Variants in FRAS1 observed in about 807,000 individuals in gnomAD.
The protein encoded by FRAS1 is extracellular matrix organizing protein FRAS1.
A neutral mutation model predicts 435.2 loss-of-function variants in FRAS1; 290 were observed. The ratio of observed to expected loss-of-function variants is 0.67; its 90% CI spans 0.61 to 0.73. FRAS1 has a LOEUF of 0.73. Among genes scored for constraint, FRAS1 ranks in the 30% least tolerant of loss-of-function variants. The pLI is 0.00. For synonymous variants in FRAS1, 1,800 were observed against 1,851.0 expected, an observed-to-expected ratio of 0.97 and a Z score of 0.71; for missense variants, 4,860 against 5,001.5, an observed-to-expected ratio of 0.97 and a Z score of 0.85.
Position 78,265,075 on chromosome 4 carries a change from A to C in FRAS1, c.654A>C (p.Ala218=). ...GAAAATGTTGCCCGCAGTGCTCTGCAAGATCCTGCTCTGCAGCTGGCCAAG... is the reference window on the plus strand; with the variant it reads ...GAAAATGTTGCCCGCAGTGCTCTGCCAGATCCTGCTCTGCAGCTGGCCAAG... The part of the protein sequence containing the change: ...VPGKCCPQCS[A]RSCSAAGQVY... Residue 218 remains alanine, a synonymous_variant, in exon 7 of 74, where the codon GCA becomes GCC. Transcript: ENST00000512123. 1 of 1,613,542 alleles carries C rather than the reference A, an allele frequency of 6.2e-7. No individual in the cohort carries two copies. The highest frequency in any genetic ancestry group is 8.5e-7 in the Non-Finnish European group (1 of 1,179,646).
intron 59 of FRAS1, among the ~76,000 whole-genome samples, chr4:78,491,417 A>G (rs1202205265): frequency 6.6e-6 from 1 of 152,244 alleles, no homozygotes; most frequent in African/African-American, 2.4e-5. Context: ...AAATACTGGC[A>G]AACTGAATCC....
At chr4:78,205,003 G>T (rs947812684) in intron 2 of FRAS1, among the ~76,000 whole-genome samples, 3 of 152,158 alleles carry the variant, frequency 2.0e-5, no homozygotes, top group Admixed American at 2.0e-4. Context: ...TCTGCATTTT[G>T]CTCTGTTTCC....
chr4:78,275,852 A>G (rs1460333499), intron 9 of FRAS1, among the ~76,000 whole-genome samples: 1 of 152,000 alleles, frequency 6.6e-6, no homozygotes, highest in Admixed American at 6.6e-5. Flanking sequence ...CTCAATTTGA[A>G]TGTTGGCCTG....
intron 2 of FRAS1, among the ~76,000 whole-genome samples, chr4:78,144,460 G>GTA (rs1465354334): frequency 6.6e-6 from 1 of 151,718 alleles, no homozygotes; most frequent in African/African-American, 2.4e-5. Flanking sequence ...AAGTGTGTGT[G>GTA]TGTGTGTGTG....
chr4:78,087,763 A>G (rs988715544), intron 2 of FRAS1, among the ~76,000 whole-genome samples: 5 of 152,190 alleles, frequency 3.3e-5, no homozygotes, highest in African/African-American at 9.6e-5. Context: ...CCACTGCTCA[A>G]TGAAATAAAA....
At chr4:78,210,577 C>T (rs983852180) in intron 2 of FRAS1, among the ~76,000 whole-genome samples, 20 of 152,146 alleles carry the variant, frequency 1.3e-4, no homozygotes, top group African/African-American at 4.6e-4. Flanking sequence ...CTTTGCCTTC[C>T]TCTGCCCCAG....
At chr4:78,325,841 T>C (rs59810825) in intron 18 of FRAS1, among the ~76,000 whole-genome samples, 43,125 of 152,070 alleles carry the variant, frequency 0.28, 6,549 homozygotes, top group Non-Finnish European at 0.33. Flanking sequence ...GAAAACTTTC[T>C]ATGATTAAGC....
At chr4:78,501,309 T>C (rs1720674460) in intron 61 of FRAS1, among the ~76,000 whole-genome samples, 1 of 152,248 alleles carries the variant, frequency 6.6e-6, no homozygotes, top group African/African-American at 2.4e-5. Flanking sequence ...TCCTTTTTTA[T>C]GGCTACATAG....
At chr4:78,331,240 C>T (rs1729936408) in intron 18 of FRAS1, among the ~76,000 whole-genome samples, 1 of 152,146 alleles carries the variant, frequency 6.6e-6, no homozygotes, top group South Asian at 2.1e-4. Context: ...TTGAATAAAG[C>T]TCTGTAGTAT....
intron 20 of FRAS1, among the ~76,000 whole-genome samples, chr4:78,355,096 T>G (rs576317848): frequency 6.6e-6 from 1 of 152,280 alleles, no homozygotes; most frequent in South Asian, 2.1e-4. Context: ...ATTTCTAGCA[T>G]GTCTACGTGC....
At chr4:78,366,766 C>T (rs1303834265) in intron 22 of FRAS1, among the ~76,000 whole-genome samples, 1 of 152,166 alleles carries the variant, frequency 6.6e-6, no homozygotes, top group Non-Finnish European at 1.5e-5. Flanking sequence ...AGAACTGCCC[C>T]TGCTACTCCA....
At chr4:78,176,613 T>G (rs1450027587) in intron 2 of FRAS1, among the ~76,000 whole-genome samples, 1 of 152,216 alleles carries the variant, frequency 6.6e-6, no homozygotes, top group African/African-American at 2.4e-5. Context: ...TAAGTACAAT[T>G]TAATTCAACC....
chr4:78,456,402 G>A (rs1310720310), intron 47 of FRAS1, among the ~76,000 whole-genome samples: 8 of 152,044 alleles, frequency 5.3e-5, no homozygotes, highest in East Asian at 1.9e-4. Flanking sequence ...TTTGGCATCC[G>A]AAAGTGCTGT....
intron 41 of FRAS1, among the ~76,000 whole-genome samples, chr4:78,442,649 T>C (rs975485198): frequency 6.6e-6 from 1 of 152,246 alleles, no homozygotes; most frequent in Non-Finnish European, 1.5e-5. Flanking sequence ...AGATACTCCA[T>C]AGAGAGGACT....
chr4:78,164,324 C>A (rs938652068), intron 2 of FRAS1, among the ~76,000 whole-genome samples: 1 of 151,526 alleles, frequency 6.6e-6, no homozygotes, highest in African/African-American at 2.4e-5. Flanking sequence ...TCCAGAGCTA[C>A]CCATAATGCT....
chr4:78,271,152 C>A (rs547138407), intron 9 of FRAS1, among the ~76,000 whole-genome samples: 2 of 152,210 alleles, frequency 1.3e-5, no homozygotes, highest in Non-Finnish European at 2.9e-5. Context: ...AACAAAATAT[C>A]ATTATGATTA....
At chr4:78,175,494 C>G (rs1299281331) in intron 2 of FRAS1, among the ~76,000 whole-genome samples, 1 of 152,116 alleles carries the variant, frequency 6.6e-6, no homozygotes, top group Non-Finnish European at 1.5e-5. Flanking sequence ...CAGACCTGAA[C>G]TGGGTGATTT....
At chr4:78,355,992 T>C (rs1420627202) in intron 20 of FRAS1, among the ~76,000 whole-genome samples, 1 of 152,200 alleles carries the variant, frequency 6.6e-6, no homozygotes, top group Non-Finnish European at 1.5e-5. Flanking sequence ...GATTAGTTTG[T>C]AGAAAATATG....
chr4:78,207,790 G>A (rs187410764), intron 2 of FRAS1, among the ~76,000 whole-genome samples: 1 of 152,232 alleles, frequency 6.6e-6, no homozygotes, highest in Non-Finnish European at 1.5e-5. Flanking sequence ...CCTTTGCAGG[G>A]TGAGTAAATA....
Sources: allele counts gnomAD v4.1 joint callset (sites outside exome capture counted in the v4.1 genomes callset), GRCh38; gene constraint gnomAD v4.1.1; transcripts MANE v1.5; gene names NCBI Gene and HGNC (gene_info 2026-07-23, HGNC 2026-07-21).